The following RUNX1 variants were observed in gnomAD, a reference collection of about 807,000 sequenced individuals.
RUNX1 encodes runt-related transcription factor 1.
A neutral mutation model predicts 42.8 loss-of-function variants in RUNX1; 19 were observed. The ratio of observed to expected loss-of-function variants is 0.44; its 90% CI spans 0.31 to 0.65. RUNX1 has a LOEUF of 0.65. Ranked by LOEUF, RUNX1 falls within the 30% of genes least tolerant of loss-of-function variation. The pLI, the probability that RUNX1 is intolerant of heterozygous loss-of-function variation, is 0.07. For synonymous variants in RUNX1, 271 were observed against 289.4 expected, an observed-to-expected ratio of 0.94 and a Z score of 0.64; for missense variants, 528 against 672.0, an observed-to-expected ratio of 0.79 and a Z score of 2.37.
chr21:35,037,082 C>T (rs1219487092), intron 2 of RUNX1, among the ~76,000 whole-genome samples: 1 of 152,194 alleles, frequency 6.6e-6, no homozygotes. Context: ...AATGCAAGGT[C>T]AGCCTTGTAC....
Position 34,901,403 on chromosome 21 carries a change from C to T in RUNX1, c.59-8440G>A, listed in dbSNP as rs1247709009. ...CGGCGCGTGCCTGTAGTCCCAGCTA[C>T]TCGAGAGGCTAAGGCGGGAGAATCG... On this transcript the variant is annotated intron_variant, in intron 2 of 8. Coordinates refer to ENST00000675419, the MANE Select transcript of RUNX1 (RefSeq NM_001754.5). The surrounding 1 kb of genome is among the most constrained non-coding windows in gnomAD (Gnocchi z 4.3). Among the ~76,000 whole-genome samples, 2 of 152,082 alleles carry T rather than the reference C, an allele frequency of 1.3e-5. No individual in the cohort carries two copies. Among genetic ancestry groups the T allele is most frequent in the Non-Finnish European group, 2.9e-5 (2 of 68,008 alleles).
At chr21:34,822,747 T>C (rs2056926523) in intron 7 of RUNX1, among the ~76,000 whole-genome samples, 1 of 152,232 alleles carries the variant, frequency 6.6e-6, no homozygotes, top group Non-Finnish European at 1.5e-5. Context: ...GATATTTTAA[T>C]AACTTTATCA....
At chr21:34,858,852 A>C (rs1474552742) in intron 6 of RUNX1, among the ~76,000 whole-genome samples, 2 of 152,168 alleles carry the variant, frequency 1.3e-5, no homozygotes, top group African/African-American at 2.4e-5. Context: ...CAGACTAAAC[A>C]ACCTCACTCA....
chr21:34,848,299 A>G (rs566145307), intron 6 of RUNX1, among the ~76,000 whole-genome samples: 1 of 152,214 alleles, frequency 6.6e-6, no homozygotes, highest in Non-Finnish European at 1.5e-5. Flanking sequence ...CTTTCAGGCT[A>G]TCTCTTTTAA....
chr21:35,007,100 G>A (rs1601664774), intron 2 of RUNX1, among the ~76,000 whole-genome samples: 1 of 152,338 alleles, frequency 6.6e-6, no homozygotes, highest in South Asian at 2.1e-4. Flanking sequence ...ACTCGGGAAA[G>A]AGAAAGAGTG....
At chr21:34,990,039 C>T (rs189136736) in intron 2 of RUNX1, among the ~76,000 whole-genome samples, 31 of 152,264 alleles carry the variant, frequency 2.0e-4, no homozygotes, top group Admixed American at 3.9e-4. Context: ...GTCTCACCTC[C>T]CACTCTGAGC....
chr21:34,999,983 A>G (rs2059028129), intron 2 of RUNX1, among the ~76,000 whole-genome samples: 1 of 152,226 alleles, frequency 6.6e-6, no homozygotes, highest in Non-Finnish European at 1.5e-5. Context: ...CTTTCACCCA[A>G]GATGTTGGAG....
chr21:34,992,303 G>T (rs1489057981), intron 2 of RUNX1, among the ~76,000 whole-genome samples: 1 of 152,210 alleles, frequency 6.6e-6, no homozygotes, highest in Non-Finnish European at 1.5e-5. Flanking sequence ...AGGCCAGCAT[G>T]TTCCTCTCCC....
At chr21:34,978,508 T>A (rs1056352874) in intron 2 of RUNX1, among the ~76,000 whole-genome samples, 6 of 152,248 alleles carry the variant, frequency 3.9e-5, no homozygotes, top group African/African-American at 1.4e-4. Flanking sequence ...AAATATACTG[T>A]CAAAGTTAGG....
intron 2 of RUNX1, among the ~76,000 whole-genome samples, chr21:35,023,574 G>T (rs2059214907): frequency 6.6e-6 from 1 of 152,192 alleles, no homozygotes; most frequent in Admixed American, 6.5e-5. Context: ...TGACCTGCGG[G>T]GCTAGCAGGG....
intron 2 of RUNX1, among the ~76,000 whole-genome samples, chr21:35,025,753 G>A (rs1343319543): frequency 6.6e-6 from 1 of 152,158 alleles, no homozygotes; most frequent in African/African-American, 2.4e-5. Context: ...TCAGATGAGA[G>A]GTGTGCGGAG....
At chr21:34,888,892 C>T (rs1032058482) in intron 3 of RUNX1, among the ~76,000 whole-genome samples, 1 of 151,638 alleles carries the variant, frequency 6.6e-6, no homozygotes, top group Non-Finnish European at 1.5e-5. Flanking sequence ...GTACGCAGCC[C>T]GGGCGGGGAG....
At chr21:34,816,780 A>C (rs2056832965) in intron 7 of RUNX1, among the ~76,000 whole-genome samples, 2 of 152,144 alleles carry the variant, frequency 1.3e-5, no homozygotes, top group African/African-American at 4.8e-5. Flanking sequence ...TTCAGAGATC[A>C]AGCAGGAAGA....
chr21:34,986,284 C>T (rs2058887199), intron 2 of RUNX1, among the ~76,000 whole-genome samples: 1 of 151,884 alleles, frequency 6.6e-6, no homozygotes, highest in Admixed American at 6.6e-5. Context: ...GGTCCTATGT[C>T]AAAGGCTGGC....
intron 2 of RUNX1, among the ~76,000 whole-genome samples, chr21:35,032,461 T>G (rs1383632692): frequency 7.9e-5 from 12 of 152,254 alleles, no homozygotes; most frequent in African/African-American, 2.9e-4. Flanking sequence ...TCCTTTCTGT[T>G]CTTTGATTGA....
At chr21:34,823,146 G>A (rs1326765311) in intron 7 of RUNX1, among the ~76,000 whole-genome samples, 2 of 152,176 alleles carry the variant, frequency 1.3e-5, no homozygotes, top group African/African-American at 2.4e-5. Context: ...CGTCCCAGAC[G>A]GGTGAGCTCC....
intron 4 of RUNX1, among the ~76,000 whole-genome samples, chr21:34,886,545 T>C (rs749147697): frequency 3.4e-4 from 52 of 152,362 alleles, no homozygotes; most frequent in Non-Finnish European, 5.9e-4. Context: ...TCCTACTTTG[T>C]ATCAAAGCTA....
Position 34,937,074 on chromosome 21 carries a change from C to T in RUNX1, c.59-44111G>A, listed in dbSNP as rs570675130. Among the ~76,000 whole-genome samples, 4 of 152,258 alleles carry T rather than the reference C, an allele frequency of 2.6e-5. No individual in the cohort carries two copies. The East Asian group carries it at 5.8e-4, about 22-fold the overall frequency. ...TCTTTGCTCCCTACACAGACAGAGG[C>T]CTGGCCTGAAGCACGCAAGATTATG... On this transcript the variant is annotated intron_variant, in intron 2 of 8. Transcript: ENST00000675419.
intron 2 of RUNX1, among the ~76,000 whole-genome samples, chr21:34,951,858 C>T (rs1197185696): frequency 6.6e-6 from 1 of 152,062 alleles, no homozygotes; most frequent in Non-Finnish European, 1.5e-5. Flanking sequence ...ACCATTTGAC[C>T]CAGCAATCCC....
Sources: allele counts gnomAD v4.1 joint callset (sites outside exome capture counted in the v4.1 genomes callset), GRCh38; gene constraint gnomAD v4.1.1; non-coding constraint Gnocchi (gnomAD v3.1); transcripts MANE v1.5; gene names NCBI Gene and HGNC (gene_info 2026-07-23, HGNC 2026-07-21).